Variants in LDB3 observed in about 807,000 individuals in gnomAD.
LDB3 encodes LIM domain-binding protein 3.
Under a neutral mutation model 69.0 loss-of-function variants are expected in LDB3, and 49 were observed. That is an observed-to-expected ratio of 0.71 (90% CI 0.56 to 0.90). The LOEUF (loss-of-function observed/expected upper bound fraction) is 0.90. Among genes scored for constraint, LDB3 ranks in the 40% least tolerant of loss-of-function variants. The probability of loss-of-function intolerance (pLI) is 0.00; values close to 1 mark genes in which losing one functional copy is unlikely to be tolerated. For missense variants in LDB3, 928 were observed against 974.1 expected (o/e 0.95, Z 0.63); for synonymous variants, 387 against 396.2 (o/e 0.98, Z 0.28).
chr10:86,681,222 G>A (rs1845101759), intron 4 of LDB3, among the ~76,000 whole-genome samples: 1 of 152,266 alleles, frequency 6.6e-6, no homozygotes, highest in South Asian at 2.1e-4. Flanking sequence ...ACTCTGCCCA[G>A]CTGGATGCCA....
chr10:86,730,989 C>A (rs1310991793), intron 13 of LDB3, among the ~76,000 whole-genome samples: 3 of 151,594 alleles, frequency 2.0e-5, no homozygotes, highest in African/African-American at 7.3e-5. Flanking sequence ...CCTGTCTCTA[C>A]TAAACTACAA....
Position 86,693,142 on chromosome 10 carries a change from G to C in LDB3, c.896+571G>C, listed in dbSNP as rs140921248. On this transcript the variant is annotated intron_variant, in intron 7 of 13. Transcript: ENST00000361373. Reference sequence around the variant, plus strand: ...GGGTTTGTGCCAAGCTGGGGTCTTAGAGCATGGTTTCCCCATCAGTTGCAG... The same window carrying C: ...GGGTTTGTGCCAAGCTGGGGTCTTACAGCATGGTTTCCCCATCAGTTGCAG... Among the ~76,000 whole-genome samples, 86 of 152,228 alleles carry C rather than the reference G, an allele frequency of 5.6e-4. No homozygotes were observed. The East Asian group carries it at 0.015, about 26-fold the overall frequency.
chr10:86,675,521 C>A (rs1044847915), intron 2 of LDB3, among the ~76,000 whole-genome samples: 1 of 152,248 alleles, frequency 6.6e-6, no homozygotes, highest in Non-Finnish European at 1.5e-5. Flanking sequence ...TGCAGGGGGA[C>A]GACCCCTTCT....
At position 86,690,963 on chromosome 10, in the gene LDB3, C is replaced by G. The variant is rs368360261; in HGVS notation, c.690-933C>G. 1.3e-4 allele frequency among the ~76,000 whole-genome samples: 20 copies of G among 152,300 alleles called. No individual in the cohort carries two copies. In the East Asian group the frequency reaches 2.5e-3, roughly 19 times the overall value. On this transcript the variant is annotated intron_variant, in intron 5 of 13. Coordinates refer to ENST00000361373, the MANE Select transcript of LDB3 (RefSeq NM_007078.3). ...AGAGGGCTGGGCCAGCAGTCTGTTA[C>G]TGTTGTGGGCTTCACCTGAGCCCTC...
intron 13 of LDB3, among the ~76,000 whole-genome samples, chr10:86,728,586 G>GTTTTTTTTTTGTTTT (rs769237064): frequency 3.0e-5 from 4 of 131,456 alleles, no homozygotes; most frequent in African/African-American, 1.1e-4. Context: ...TGGTTCTTTT[G>GTTTTTTTTTTGTTTT]TTTTTTTTTT....
intron 4 of LDB3, 93 bp downstream of exon 4, chr10:86,680,250 G>A: frequency 2.6e-6 from 3 of 1,163,508 alleles, no homozygotes; most frequent in Non-Finnish European, 3.8e-6. Context: ...TGGCCCAACT[G>A]GGATGAGGCC....
At chr10:86,694,189 G>A (rs1845903343) in intron 7 of LDB3, among the ~76,000 whole-genome samples, 1 of 152,198 alleles carries the variant, frequency 6.6e-6, no homozygotes, top group Non-Finnish European at 1.5e-5. Context: ...CAAAGTTATT[G>A]AGTGAGGAGA....
chr10:86,714,848 T>C (rs1205319150), intron 9 of LDB3, among the ~76,000 whole-genome samples: 2 of 152,184 alleles, frequency 1.3e-5, no homozygotes, highest in Non-Finnish European at 2.9e-5. Flanking sequence ...TGAGCCACCA[T>C]GCCCAACCGG....
rs925510654 is a variant in LDB3 at position 86,691,978 on chromosome 10, G to T, written c.772G>T (p.Asp258Tyr). The T allele has an allele frequency of 6.2e-7, 1 of 1,614,108 alleles. No individual in the cohort carries two copies. Among genetic ancestry groups the T allele is most frequent in the African/African-American group, 1.3e-5 (1 of 74,946 alleles). Residue 258 changes from aspartate to tyrosine, a missense_variant, in exon 6 of 14, where the codon GAT becomes TAT. Coordinates refer to ENST00000361373, the MANE Select transcript of LDB3 (RefSeq NM_007078.3). ...GATTAAGAGCCAGAACAAGCCAGAAGATGAGGCTGACGAGTGGGCACGCCG... is the reference window on the plus strand; with the variant it reads ...GATTAAGAGCCAGAACAAGCCAGAATATGAGGCTGACGAGTGGGCACGCCG... ...AVIKSQNKPE[D>Y]EADEWARRSS... is the part of the protein sequence containing the mutation.
chr10:86,679,703 A>G (rs1372488752), intron 3 of LDB3, among the ~76,000 whole-genome samples, 185 bp downstream of exon 3: 1 of 152,212 alleles, frequency 6.6e-6, no homozygotes, highest in African/African-American at 2.4e-5. Flanking sequence ...AAGCACCTAG[A>G]GGCAGACATT....
intron 12 of LDB3, among the ~76,000 whole-genome samples, chr10:86,722,751 G>A (rs1847125522): frequency 6.7e-6 from 1 of 149,546 alleles, no homozygotes; most frequent in African/African-American, 2.5e-5. Context: ...ATTATTAGTA[G>A]AGATGGGGGA....
rs1204128916 is a variant in LDB3 at position 86,668,609 on chromosome 10, C to T, written c.-24+39C>T. 1.0e-5 allele frequency: 11 copies of T among 1,080,462 alleles called. No homozygotes were observed. The South Asian group carries it at 1.2e-4, about 12-fold the overall frequency. The allele number at this position is 1,080,462 out of a possible 1,614,324, so 66.9% of individuals were successfully genotyped here. ...TCAGGGGCAGGGGCAGAGGTGTGGA[C>T]CGGGCAGGCGGAGTGCCTGAGTGCC... is the stretch of plus-strand genomic sequence containing the variant. On this transcript the variant is annotated intron_variant, in intron 1 of 13. Coordinates refer to ENST00000361373, the MANE Select transcript of LDB3 (RefSeq NM_007078.3).
chr10:86,677,410 C>A (rs901108312), intron 2 of LDB3, among the ~76,000 whole-genome samples: 2 of 152,176 alleles, frequency 1.3e-5, no homozygotes, highest in African/African-American at 4.8e-5. Flanking sequence ...ATTAGAACCT[C>A]TGAAATTTTG....
chr10:86,703,894 A>G (rs924705895), intron 7 of LDB3, among the ~76,000 whole-genome samples: 1 of 152,124 alleles, frequency 6.6e-6, no homozygotes, highest in Non-Finnish European at 1.5e-5. Context: ...CAGGTGGATC[A>G]CCTGAGGTCA....
intron 2 of LDB3, 23 bp from the exon 3 acceptor site, chr10:86,679,344 C>A (rs758336438): frequency 3.1e-6 from 5 of 1,614,084 alleles, no homozygotes; most frequent in South Asian, 1.1e-5. Context: ...TATGCTCACC[C>A]CCCACCTCCA....
At chr10:86,721,780 C>G (rs558909972) in intron 12 of LDB3, among the ~76,000 whole-genome samples, 1 of 152,356 alleles carries the variant, frequency 6.6e-6, no homozygotes, top group Admixed American at 6.5e-5. Flanking sequence ...TTTCAACAAA[C>G]CCTCCATGTG....
At position 86,718,832 on chromosome 10, in the gene LDB3, C is replaced by A. The variant is rs745444678; in HGVS notation, c.1963C>A (p.Pro655Thr). The change falls in exon 12 of 14, where the codon CCC becomes ACC. Residue 655 changes from proline to threonine, a missense_variant. Physicochemically the swap from Pro to Thr is conservative, Grantham distance 38. Coordinates refer to ENST00000361373, the MANE Select transcript of LDB3 (RefSeq NM_007078.3). ...NSLFHMEDGEPYCEKDYINLF... is the reference protein window; with the variant it reads ...NSLFHMEDGETYCEKDYINLF... ...CCTCTTCCACATGGAAGACGGGGAG[C>A]CCTACTGCGAGAAAGGTAGGAACAC... 2.5e-6 allele frequency: 4 copies of A among 1,614,084 alleles called. No homozygotes were observed. The highest frequency in any genetic ancestry group is 3.4e-6 in the Non-Finnish European group (4 of 1,180,006).
At chr10:86,671,933 GA>G (rs1228480513) in intron 2 of LDB3, among the ~76,000 whole-genome samples, 4 of 152,154 alleles carry the variant, frequency 2.6e-5, no homozygotes, top group Non-Finnish European at 4.4e-5. Flanking sequence ...CCAACATGGT[GA>G]AACCCTGTCT....
At chr10:86,722,559 C>CAATTCAAGCCACTTTAATAGCTTAATCTG (rs1847116082) in intron 12 of LDB3, among the ~76,000 whole-genome samples, 2 of 55,226 alleles carry the variant, frequency 3.6e-5, no homozygotes, top group Non-Finnish European at 6.6e-5. Flanking sequence ...CGTGCCTGGC[C>CAATTCAAGCCACTTTAATAGCTTAATCTG]TTTTTTTTTT....
Sources: gnomAD v4.1 joint callset for allele counts (sites outside exome capture counted in the v4.1 genomes callset) on GRCh38, gnomAD v4.1.1 for gene constraint, MANE v1.5 for transcripts, NCBI Gene and HGNC (gene_info 2026-07-23, HGNC 2026-07-21) for gene names.